INO80: variants seen among roughly 807,000 people sequenced by gnomAD.
INO80 encodes the protein chromatin-remodeling ATPase INO80.
INO80 carries 20 observed loss-of-function variants against 203.4 expected under a neutral mutation model. The observed-to-expected ratio is 0.10, with a 90% CI of 0.07 to 0.14. The LOEUF is 0.14. Among genes scored for constraint, INO80 ranks in the 10% least tolerant of loss-of-function variants. The pLI is 1.00. For synonymous variants in INO80, 726 were observed against 685.2 expected (o/e 1.06, Z -0.93); for missense variants, 1,419 against 1,914.4 (o/e 0.74, Z 4.83).
intron 24 of INO80, among the ~76,000 whole-genome samples, chr15:41,043,142 A>C (rs2044697497): frequency 1.3e-5 from 2 of 152,238 alleles, no homozygotes; most frequent in African/African-American, 4.8e-5. Flanking sequence ...ATTTTCAGAA[A>C]ACAGAGAAGA....
Position 41,048,148 on chromosome 15 carries a change from C to CA in INO80, c.2641+63dup, listed in dbSNP as rs1356393685. The CA allele has an allele frequency of 2.0e-5, 25 of 1,270,062 alleles. 1 individual carries two copies. In the African/African-American group the frequency reaches 2.4e-4, roughly 12 times the overall value. 78.7% of individuals were successfully genotyped at this position (1,270,062 alleles called of 1,614,324 possible). A position where few individuals can be genotyped will look rare whatever the true frequency, so the allele number is the denominator to read the frequency against. On this transcript the variant is annotated intron_variant, in intron 22 of 35. Coordinates refer to ENST00000648947, the MANE Select transcript of INO80 (RefSeq NM_017553.3). ...TACTCGTTCTAAATCAGTCTCTCAGCAAAACAAAGAGCATCCTGGTAAAAC... is the reference window on the plus strand; with the variant it reads ...TACTCGTTCTAAATCAGTCTCTCAGCAAAAACAAAGAGCATCCTGGTAAAAC...
At position 41,048,075 on chromosome 15, in the gene INO80, T is replaced by C. The variant is rs61073993; in HGVS notation, c.2641+137A>G. ...AAGATAACTAATTTCCTTAATTAAA[T>C]CTTATCAAGATTTTATAAATAAGGG... On this transcript the variant is annotated intron_variant, in intron 22 of 35. Transcript: ENST00000648947. 2,126 of 561,044 alleles carry C rather than the reference T, an allele frequency of 3.8e-3. 34 individuals carry two copies. The highest frequency in any genetic ancestry group is 0.029 in the African/African-American group (1,521 of 53,312). 34.8% of individuals were successfully genotyped at this position (561,044 alleles called of 1,614,324 possible). A position where few individuals can be genotyped will look rare whatever the true frequency, so the allele number is the denominator to read the frequency against.
chr15:41,042,726 G>C, intron 24 of INO80, among the ~76,000 whole-genome samples: 1 of 151,878 alleles, frequency 6.6e-6, no homozygotes, highest in South Asian at 2.1e-4. Context: ...CGCCTGCCTC[G>C]GACTCAAAAA....
intron 28 of INO80, among the ~76,000 whole-genome samples, chr15:41,003,935 A>G (rs943002856): frequency 2.6e-5 from 4 of 152,238 alleles, no homozygotes; most frequent in African/African-American, 7.2e-5. Context: ...TAGCTCGCAC[A>G]TAAGATTCTT....
intron 7 of INO80, among the ~76,000 whole-genome samples, chr15:41,083,276 CAAAA>C (rs1250245997): frequency 1.5e-5 from 1 of 66,984 alleles, no homozygotes. Context: ...GACTCCGTCT[CAAAA>C]AAAAAAAAAA....
chr15:41,107,533 C>G (rs1352954323), intron 1 of INO80, among the ~76,000 whole-genome samples: 1 of 151,978 alleles, frequency 6.6e-6, no homozygotes, highest in Admixed American at 6.6e-5. Flanking sequence ...GGTGTGATGG[C>G]TCATGCCTAT....
chr15:41,015,796 AAAG>A (rs2044195350), intron 27 of INO80, among the ~76,000 whole-genome samples: 1 of 148,008 alleles, frequency 6.8e-6, no homozygotes, highest in African/African-American at 2.6e-5. Context: ...AAAAAAAAAA[AAAG>A]AGCTGAGTGT....
chr15:41,111,289 T>C (rs946234316), intron 1 of INO80, among the ~76,000 whole-genome samples: 1 of 151,934 alleles, frequency 6.6e-6, no homozygotes, highest in Non-Finnish European at 1.5e-5. Context: ...CTACTAAAGA[T>C]ACAAAAATTA....
intron 27 of INO80, among the ~76,000 whole-genome samples, chr15:41,015,473 T>C (rs1438409798): frequency 1.3e-5 from 2 of 152,104 alleles, no homozygotes; most frequent in African/African-American, 4.8e-5. Flanking sequence ...ATACATAATT[T>C]TAGATTCCTA....
At chr15:40,982,731 A>AT in intron 35 of INO80, 131 bp downstream of exon 35, 3 of 708,308 alleles carry the variant, frequency 4.2e-6, no homozygotes, top group Non-Finnish European at 7.2e-6. Flanking sequence ...TACAAAGAAG[A>AT]AGAACCCCAA....
chr15:41,056,750 G>C (rs2044993055), intron 16 of INO80, 44 bp from the exon 17 acceptor site: 3 of 1,547,956 alleles, frequency 1.9e-6, no homozygotes, highest in East Asian at 4.5e-5. Flanking sequence ...GCAATAAATT[G>C]TTCTTTAATT....
At chr15:41,033,923 G>T (rs543327371) in intron 24 of INO80, among the ~76,000 whole-genome samples, 2 of 151,958 alleles carry the variant, frequency 1.3e-5, no homozygotes, top group South Asian at 2.1e-4. Context: ...TTAGCCGGGC[G>T]TGGTGGCAGG....
At chr15:41,110,050 G>A (rs920974436) in intron 1 of INO80, among the ~76,000 whole-genome samples, 16 of 151,176 alleles carry the variant, frequency 1.1e-4, no homozygotes, top group African/African-American at 3.9e-4. Flanking sequence ...AGCTGAGATC[G>A]TGCTACTGCA....
intron 15 of INO80, 25 bp from the exon 16 acceptor site, chr15:41,058,806 G>T (rs772087742): frequency 1.1e-5 from 17 of 1,598,770 alleles, no homozygotes; most frequent in Non-Finnish European, 1.4e-5. Context: ...GGGGAAGGGT[G>T]AAAAGAGAAA....
chr15:40,995,145 C>T (rs976149534), intron 29 of INO80, among the ~76,000 whole-genome samples: 3 of 152,186 alleles, frequency 2.0e-5, no homozygotes, highest in South Asian at 2.1e-4. Context: ...CGTGAGCCAC[C>T]GCGTTCAGCC....
At chr15:41,069,085 G>GT (rs1035991920) in intron 14 of INO80, among the ~76,000 whole-genome samples, 6 of 152,288 alleles carry the variant, frequency 3.9e-5, no homozygotes, top group African/African-American at 9.6e-5. Flanking sequence ...GTTCCCAGCA[G>GT]TAAGTTTTAT....
intron 28 of INO80, chr15:40,999,129 T>G (rs1178809245): frequency 6.6e-6 from 1 of 152,186 alleles, no homozygotes. Context: ...TAAGTAATGT[T>G]TTGTGAAGTT....
At chr15:40,982,436 A>G in intron 35 of INO80, among the ~76,000 whole-genome samples, 1 of 152,216 alleles carries the variant, frequency 6.6e-6, no homozygotes, top group Middle Eastern at 3.2e-3. Context: ...GGTGTGAGCC[A>G]CTGTGCCTGG....
chr15:41,045,880 G>A (rs1480216920), intron 23 of INO80, among the ~76,000 whole-genome samples: 1 of 143,958 alleles, frequency 6.9e-6, no homozygotes, highest in Admixed American at 7.3e-5. Flanking sequence ...CAACCTAGGC[G>A]ACCGAGTGAG....
Sources: allele counts gnomAD v4.1 joint callset (sites outside exome capture counted in the v4.1 genomes callset), GRCh38; gene constraint gnomAD v4.1.1; transcripts MANE v1.5; gene names NCBI Gene and HGNC (gene_info 2026-07-23, HGNC 2026-07-21).